Variants in NKAIN2 observed in about 807,000 individuals in gnomAD.
NKAIN2 encodes sodium/potassium transporting ATPase interacting 2.
NKAIN2 carries 14 observed loss-of-function variants against 32.6 expected under a neutral mutation model. That is an observed-to-expected ratio of 0.43 (90% CI 0.28 to 0.67). NKAIN2 has a LOEUF of 0.67. Among genes scored for constraint, NKAIN2 ranks in the 30% least tolerant of loss-of-function variants. The pLI, the probability that NKAIN2 is intolerant of heterozygous loss-of-function variation, is 0.17. For missense variants in NKAIN2, 198 were observed against 258.3 expected (o/e 0.77, Z 1.60); for synonymous variants, 80 against 87.2 (o/e 0.92, Z 0.46).
Position 124,290,056 on chromosome 6 carries a change from A to AAAC in NKAIN2, c.192+6916_192+6917insCAA, listed in dbSNP as rs1795730705. On this transcript the variant is annotated intron_variant, in intron 2 of 6. Coordinates refer to ENST00000368417, the MANE Select transcript of NKAIN2 (RefSeq NM_001040214.3). ...TAAGCCTGGAAGGGAGGGAGAAAAC[A>AAAC]AAAAAAAACATCATTACAAGTTTAA... Among the ~76,000 whole-genome samples, 5 of 84,940 alleles carry AAAC rather than the reference A, an allele frequency of 5.9e-5. 1 individual carries two copies. Among genetic ancestry groups the AAAC allele is most frequent in the African/African-American group, 4.3e-4 (5 of 11,534 alleles). The allele number at this position is 84,940 out of a possible 152,430, so 55.7% of individuals were successfully genotyped here. A position where few individuals can be genotyped will look rare whatever the true frequency, so the allele number is the denominator to read the frequency against.
At chr6:124,408,803 A>G (rs1253996286) in intron 3 of NKAIN2, among the ~76,000 whole-genome samples, 1 of 152,142 alleles carries the variant, frequency 6.6e-6, no homozygotes, top group Non-Finnish European at 1.5e-5. Context: ...GGCCATTTTC[A>G]CGATATTGAT....
intron 5 of NKAIN2, among the ~76,000 whole-genome samples, chr6:124,817,611 G>T (rs1423173861): frequency 1.3e-5 from 2 of 152,148 alleles, no homozygotes; most frequent in African/African-American, 2.4e-5. Flanking sequence ...AGTCAAAGCT[G>T]CCAGAAATGT....
chr6:124,175,210 G>A (rs1314062058), intron 1 of NKAIN2, among the ~76,000 whole-genome samples: 2 of 152,058 alleles, frequency 1.3e-5, no homozygotes, highest in African/African-American at 4.8e-5. Flanking sequence ...CATAGACAGC[G>A]TGAAGTGCTT....
At chr6:124,522,266 A>G (rs1224935166) in intron 3 of NKAIN2, among the ~76,000 whole-genome samples, 1 of 152,198 alleles carries the variant, frequency 6.6e-6, no homozygotes, top group Non-Finnish European at 1.5e-5. Flanking sequence ...GCTTTCATAT[A>G]ATATAGAATA....
At chr6:123,945,362 C>G (rs1053262680) in intron 1 of NKAIN2, among the ~76,000 whole-genome samples, 12 of 152,050 alleles carry the variant, frequency 7.9e-5, no homozygotes, top group African/African-American at 2.7e-4. Context: ...ATGAACACTG[C>G]TTTCAATTTG....
At chr6:124,148,005 T>TAG (rs1329856037) in intron 1 of NKAIN2, among the ~76,000 whole-genome samples, 2 of 152,152 alleles carry the variant, frequency 1.3e-5, no homozygotes, top group Non-Finnish European at 2.9e-5. Context: ...CCTCTATATA[T>TAG]TAGTTAATAC....
At chr6:124,284,287 T>C (rs1232805092) in intron 2 of NKAIN2, among the ~76,000 whole-genome samples, 1 of 152,182 alleles carries the variant, frequency 6.6e-6, no homozygotes, top group Non-Finnish European at 1.5e-5. Flanking sequence ...TTTGATACAG[T>C]GTAGGGCGGG....
At chr6:124,224,263 G>T (rs2114707734) in intron 1 of NKAIN2, among the ~76,000 whole-genome samples, 2 of 152,202 alleles carry the variant, frequency 1.3e-5, no homozygotes, top group Middle Eastern at 6.8e-3. Context: ...AGAGACTCCT[G>T]ATTATTCCTT....
chr6:124,695,639 A>G (rs1774461700), intron 4 of NKAIN2, among the ~76,000 whole-genome samples: 1 of 152,224 alleles, frequency 6.6e-6, no homozygotes, highest in African/African-American at 2.4e-5. Context: ...TTGTGACTTG[A>G]AAGGACATTT....
At chr6:124,265,905 G>A (rs1007410550) in intron 1 of NKAIN2, among the ~76,000 whole-genome samples, 2 of 152,154 alleles carry the variant, frequency 1.3e-5, no homozygotes, top group African/African-American at 4.8e-5. Flanking sequence ...CCTTCAAACA[G>A]AAATGTGAAA....
intron 1 of NKAIN2, among the ~76,000 whole-genome samples, chr6:124,158,943 GACA>G (rs1788131075): frequency 6.6e-6 from 1 of 152,146 alleles, no homozygotes; most frequent in Non-Finnish European, 1.5e-5. Flanking sequence ...CGTAATGTTA[GACA>G]TCAGCTTGCT....
intron 1 of NKAIN2, among the ~76,000 whole-genome samples, chr6:124,253,111 T>G (rs1793760227): frequency 6.6e-6 from 1 of 152,128 alleles, no homozygotes; most frequent in Non-Finnish European, 1.5e-5. Flanking sequence ...TTTACAATAT[T>G]GAGTTTTGAA....
chr6:124,269,498 A>G (rs1336480068), intron 1 of NKAIN2, among the ~76,000 whole-genome samples: 2 of 125,200 alleles, frequency 1.6e-5, no homozygotes, highest in African/African-American at 6.2e-5. Context: ...ACATAGTTTC[A>G]CTCTTGTCAC....
chr6:124,412,219 GA>G (rs1774226140), intron 3 of NKAIN2, among the ~76,000 whole-genome samples: 4 of 152,196 alleles, frequency 2.6e-5, no homozygotes, highest in Admixed American at 2.0e-4. Context: ...CATTGCTGGT[GA>G]GGAGCTGTTC....
chr6:123,839,363 TAA>T (rs1027374848), intron 1 of NKAIN2, among the ~76,000 whole-genome samples: 9 of 152,300 alleles, frequency 5.9e-5, no homozygotes, highest in Admixed American at 5.9e-4. Context: ...TCCTCATCTG[TAA>T]AAGTTATTTT....
chr6:124,146,838 G>T (rs1787433534), intron 1 of NKAIN2, among the ~76,000 whole-genome samples: 1 of 152,122 alleles, frequency 6.6e-6, no homozygotes, highest in Admixed American at 6.5e-5. Flanking sequence ...GTAAGTGAAA[G>T]AAAACTATTG....
At chr6:124,497,155 C>T (rs563584438) in intron 3 of NKAIN2, among the ~76,000 whole-genome samples, 3 of 152,242 alleles carry the variant, frequency 2.0e-5, no homozygotes, top group African/African-American at 7.2e-5. Context: ...GAATTTAATG[C>T]TCATTTAGCT....
At chr6:124,307,410 A>T (rs868375953) in intron 2 of NKAIN2, among the ~76,000 whole-genome samples, 1 of 152,170 alleles carries the variant, frequency 6.6e-6, no homozygotes, top group African/African-American at 2.4e-5. Flanking sequence ...ATCTTAAGAA[A>T]CCTCTGGGGA....
chr6:124,409,146 C>T (rs561946715), intron 3 of NKAIN2, among the ~76,000 whole-genome samples: 1 of 152,258 alleles, frequency 6.6e-6, no homozygotes. Flanking sequence ...CGAACAGGGA[C>T]AATTTGACTT....
Sources: allele counts gnomAD v4.1 joint callset (sites outside exome capture counted in the v4.1 genomes callset), GRCh38; gene constraint gnomAD v4.1.1; transcripts MANE v1.5; gene names NCBI Gene and HGNC (gene_info 2026-07-23, HGNC 2026-07-21).